Variants in PTPRD observed in about 807,000 individuals in gnomAD.
The protein encoded by PTPRD is receptor-type tyrosine-protein phosphatase delta.
In PTPRD, 34 loss-of-function variants were observed where a neutral mutation model predicts 214.5. That is an observed-to-expected ratio of 0.16 (90% CI 0.12 to 0.21). The LOEUF is 0.21. Among genes scored for constraint, PTPRD ranks in the 10% least tolerant of loss-of-function variants. The probability of loss-of-function intolerance (pLI) is 1.00; values close to 1 mark genes in which losing one functional copy is unlikely to be tolerated. For missense variants in PTPRD, 2,545 were observed against 2,398.7 expected (o/e 1.06, Z -1.27); for synonymous variants, 1,128 against 845.7 (o/e 1.33, Z -5.79).
chr9:10,242,431 T>C (rs1030125090), intron 3 of PTPRD, among the ~76,000 whole-genome samples: 1 of 151,902 alleles, frequency 6.6e-6, no homozygotes, highest in African/African-American at 2.4e-5. Context: ...GTATAATCAC[T>C]CAGCTCTCAT....
intron 7 of PTPRD, among the ~76,000 whole-genome samples, chr9:9,594,303 C>T (rs1272785771): frequency 6.6e-6 from 1 of 151,910 alleles, no homozygotes; most frequent in South Asian, 2.1e-4. Flanking sequence ...TATCTTTGTT[C>T]TTATGGCATT....
At chr9:8,713,623 G>T in intron 12 of PTPRD, 1 of 1,534,680 alleles carries the variant, frequency 6.5e-7, no homozygotes, top group Non-Finnish European at 9.0e-7. Flanking sequence ...CACCGCGGGC[G>T]CTGTCACCCA....
rs149327972 is a variant in PTPRD at position 9,629,238 on chromosome 9, G to GTGTGTATATATATATA, written c.-286-54458_-286-54457insTATATATATATACACA. On this transcript the variant is annotated intron_variant, in intron 7 of 45. Coordinates refer to ENST00000381196, the MANE Select transcript of PTPRD (RefSeq NM_002839.4). The stretch of plus-strand genomic sequence containing the variant: ...TGGGGAGATATATATGTGTGTGTGT[G>GTGTGTATATATATATA]TATATATATATATATATATGAACAC... 5.6e-4 allele frequency among the ~76,000 whole-genome samples: 79 copies of GTGTGTATATATATATA among 140,394 alleles called. 1 individual carries two copies. Among genetic ancestry groups the GTGTGTATATATATATA allele is most frequent in the African/African-American group, 1.6e-3 (56 of 35,556 alleles). The allele number at this position is 140,394 out of a possible 152,430, so 92.1% of individuals were successfully genotyped here.
intron 7 of PTPRD, among the ~76,000 whole-genome samples, chr9:9,603,221 T>G (rs1313980305): frequency 2.6e-5 from 4 of 152,130 alleles, no homozygotes; most frequent in African/African-American, 9.7e-5. Flanking sequence ...GCTGTCGGAA[T>G]AGCTTTATGT....
At chr9:9,275,546 G>C (rs1407017003) in intron 9 of PTPRD, among the ~76,000 whole-genome samples, 1 of 150,996 alleles carries the variant, frequency 6.6e-6, no homozygotes, top group Non-Finnish European at 1.5e-5. Flanking sequence ...ATTAGCCAAG[G>C]TTGGCTGGTA....
intron 10 of PTPRD, among the ~76,000 whole-genome samples, chr9:9,098,733 A>C (rs1457333169): frequency 6.6e-6 from 1 of 152,230 alleles, no homozygotes; most frequent in Non-Finnish European, 1.5e-5. Context: ...GAAAATACAA[A>C]TGGATACAAC....
intron 8 of PTPRD, among the ~76,000 whole-genome samples, chr9:9,479,535 C>A (rs1316597049): frequency 6.6e-6 from 1 of 152,112 alleles, no homozygotes; most frequent in African/African-American, 2.4e-5. Flanking sequence ...GCCAATTTTA[C>A]AAGTACTAAA....
At chr9:8,839,357 G>A (rs980249897) in intron 11 of PTPRD, among the ~76,000 whole-genome samples, 6 of 150,916 alleles carry the variant, frequency 4.0e-5, no homozygotes, top group South Asian at 2.1e-4. Flanking sequence ...ATGGAGTCTC[G>A]CTCTGTCACC....
chr9:8,553,718 C>A (rs985471099), intron 14 of PTPRD, among the ~76,000 whole-genome samples: 4 of 152,100 alleles, frequency 2.6e-5, no homozygotes, highest in Non-Finnish European at 4.4e-5. Flanking sequence ...CTTTTTCTAA[C>A]CATAAAGCCC....
At chr9:9,338,962 A>C (rs2045679777) in intron 9 of PTPRD, among the ~76,000 whole-genome samples, 1 of 152,182 alleles carries the variant, frequency 6.6e-6, no homozygotes, top group Non-Finnish European at 1.5e-5. Flanking sequence ...ACATGAGAAA[A>C]ATCGCAAGAT....
At chr9:10,024,695 A>T (rs536700898) in intron 4 of PTPRD, among the ~76,000 whole-genome samples, 34 of 151,482 alleles carry the variant, frequency 2.2e-4, no homozygotes, top group Non-Finnish European at 4.6e-4. Flanking sequence ...TTTGTTACAT[A>T]CGTATACATG....
chr9:10,260,920 C>A (rs1351279771), intron 3 of PTPRD, among the ~76,000 whole-genome samples: 1 of 150,260 alleles, frequency 6.7e-6, no homozygotes, highest in Non-Finnish European at 1.5e-5. Context: ...CTTGTATAGT[C>A]AAGGGAATTA....
intron 8 of PTPRD, among the ~76,000 whole-genome samples, chr9:9,469,575 C>G (rs16929549): frequency 0.1 from 15,764 of 152,158 alleles, 841 homozygotes; most frequent in South Asian, 0.15. Flanking sequence ...ACATGATTAA[C>G]TGATGACAGA....
chr9:9,600,588 T>C (rs1050597086), intron 7 of PTPRD, among the ~76,000 whole-genome samples: 1 of 152,092 alleles, frequency 6.6e-6, no homozygotes, highest in East Asian at 1.9e-4. Context: ...TGGGTATCTG[T>C]CTGTCAGCCC....
chr9:8,689,153 TTTC>T (rs1263557604), intron 12 of PTPRD, among the ~76,000 whole-genome samples: 1 of 152,160 alleles, frequency 6.6e-6, no homozygotes, highest in African/African-American at 2.4e-5. Context: ...ACAAAAAAAC[TTTC>T]TTGTTAAAAT....
At chr9:10,012,196 T>A (rs1217553215) in intron 4 of PTPRD, among the ~76,000 whole-genome samples, 1 of 151,790 alleles carries the variant, frequency 6.6e-6, no homozygotes, top group Non-Finnish European at 1.5e-5. Flanking sequence ...TGAAGAATTG[T>A]AAAAAAGTAC....
At chr9:8,554,048 C>A (rs1015058884) in intron 14 of PTPRD, among the ~76,000 whole-genome samples, 2 of 151,992 alleles carry the variant, frequency 1.3e-5, no homozygotes, top group Non-Finnish European at 2.9e-5. Flanking sequence ...ATTAGCCGGG[C>A]GTGGTATTGC....
At chr9:9,134,543 T>C (rs1412020845) in intron 10 of PTPRD, among the ~76,000 whole-genome samples, 2 of 152,182 alleles carry the variant, frequency 1.3e-5, no homozygotes, top group African/African-American at 2.4e-5. Flanking sequence ...TAGTTTTAAA[T>C]TGGTACCACA....
At chr9:8,657,789 C>A (rs1293611247) in intron 12 of PTPRD, among the ~76,000 whole-genome samples, 2 of 152,136 alleles carry the variant, frequency 1.3e-5, no homozygotes, top group African/African-American at 2.4e-5. Context: ...GAAATTGGCA[C>A]ATGGGTTTTT....
Sources: gnomAD v4.1 joint callset for allele counts (sites outside exome capture counted in the v4.1 genomes callset) on GRCh38, gnomAD v4.1.1 for gene constraint, MANE v1.5 for transcripts, NCBI Gene and HGNC (gene_info 2026-07-23, HGNC 2026-07-21) for gene names.